The following S1PR3 variants were observed in gnomAD, a reference collection of about 807,000 sequenced individuals.
The protein encoded by S1PR3 is sphingosine-1-phosphate receptor 3, also known as sphingosine 1-phosphate receptor 3.
Under a neutral mutation model 13.3 loss-of-function variants are expected in S1PR3, and 12 were observed. The ratio of observed to expected loss-of-function variants is 0.90; its 90% CI spans 0.58 to 1.46. The LOEUF (loss-of-function observed/expected upper bound fraction) is 1.46, where lower values mean the gene tolerates loss of function less well. Ranked by LOEUF, S1PR3 falls within the 40% of genes most tolerant of loss-of-function variation. S1PR3 has a pLI of 0.00. For synonymous variants in S1PR3, 232 were observed against 214.0 expected (o/e 1.08, Z -0.73); for missense variants, 450 against 501.9 (o/e 0.90, Z 0.99).
intron 1 of S1PR3, chr9:89,000,157 T>G: frequency 6.6e-6 from 1 of 152,154 alleles, no homozygotes; most frequent in Non-Finnish European, 1.5e-5. Flanking sequence ...GTGTTTGAGG[T>G]CTCGTGGGGG....
Position 89,004,145 on chromosome 9 carries a change from TC to T in S1PR3, c.*1811del, listed in dbSNP as rs1825903366. The T allele has an allele frequency of 6.4e-6, 1 of 156,942 alleles. No individual in the cohort carries two copies. The highest frequency in any genetic ancestry group is 2.4e-5 in the African/African-American group (1 of 41,458). 9.7% of individuals were successfully genotyped at this position (156,942 alleles called of 1,614,324 possible). The stretch of plus-strand genomic sequence containing the variant: ...TGGGCGCAGTGGCTCACACCTGTAA[TC>T]CCAGCACTTTGGGAGGCTGAGGCGG... On this transcript the variant is annotated 3_prime_UTR_variant, in exon 2 of 2. Coordinates refer to ENST00000358157, the MANE Select transcript of S1PR3 (RefSeq NM_005226.4).
rs763595966 is a variant in S1PR3 at position 89,001,827 on chromosome 9, G to T, written c.627G>T (p.Val209=). 2 of 1,614,210 alleles carry T rather than the reference G, an allele frequency of 1.2e-6. No homozygotes were observed. Among genetic ancestry groups the T allele is most frequent in the Admixed American group, 1.7e-5 (1 of 60,022 alleles). Residue 209 remains valine (V), a synonymous_variant, in exon 2 of 2, where the codon GTG becomes GTT. Transcript: ENST00000358157. ...FCISIFTAIL[V]TIVILYARIY... ...TCAGCATCTTCACGGCCATCCTGGT[G>T]ACCATCGTGATCCTCTACGCACGCA... is the stretch of plus-strand genomic sequence containing the variant.
rs894338611 is a variant in S1PR3 at position 88,991,577 on chromosome 9, C to A, written c.-266C>A. 1.2e-5 allele frequency: 19 copies of A among 1,544,626 alleles called. No individual in the cohort carries two copies. In the Admixed American group the frequency reaches 3.0e-4, roughly 24 times the overall value. On this transcript the variant is annotated 5_prime_UTR_variant, in exon 1 of 2. Coordinates refer to ENST00000358157, the MANE Select transcript of S1PR3 (RefSeq NM_005226.4). The surrounding 1 kb of genome is among the most constrained non-coding windows in gnomAD (Gnocchi z 4.0). Reference sequence around the variant, plus strand: ...CCAGGCCCGGGAACGACGTCGCGAGCGCTGAGACTGCCGGGCCTCCCAGCC... The same window carrying A: ...CCAGGCCCGGGAACGACGTCGCGAGAGCTGAGACTGCCGGGCCTCCCAGCC...
rs1017613951 is a variant in S1PR3 at position 89,003,631 on chromosome 9, A to G, written c.*1294A>G. ...AGGATTGTACGTATTATACAAATAG[A>G]TGGAAAGAAAAGTGAACACGTTTGT... is the stretch of plus-strand genomic sequence containing the variant. On this transcript the variant is annotated 3_prime_UTR_variant, in exon 2 of 2. Transcript: ENST00000358157. The G allele has an allele frequency of 4.2e-5, 7 of 167,078 alleles. No individual in the cohort carries two copies. The highest frequency in any genetic ancestry group is 1.7e-4 in the African/African-American group (7 of 41,470). The allele number at this position is 167,078 out of a possible 1,614,324, so 10.3% of individuals were successfully genotyped here.
At chr9:88,992,379 C>T in intron 1 of S1PR3, 1 of 214,780 alleles carries the variant, frequency 4.7e-6, no homozygotes, top group South Asian at 7.4e-5. Flanking sequence ...AAGAGAGGAA[C>T]TTCTTGTTGG....
Position 89,004,796 on chromosome 9 carries a change from C to G in S1PR3, c.*2459C>G, listed in dbSNP as rs1180214496. On this transcript the variant is annotated 3_prime_UTR_variant, in exon 2 of 2. Transcript: ENST00000358157. ...TGCAAAAAATAATCACCTTTGATACCAATGTGCACCAATATGCCTAACTAG... is the reference window on the plus strand; with the variant it reads ...TGCAAAAAATAATCACCTTTGATACGAATGTGCACCAATATGCCTAACTAG... 1.2e-5 allele frequency: 2 copies of G among 167,014 alleles called. No individual in the cohort carries two copies. Among genetic ancestry groups the G allele is most frequent in the Non-Finnish European group, 2.9e-5 (2 of 68,106 alleles). The allele number at this position is 167,014 out of a possible 1,614,324, so 10.3% of individuals were successfully genotyped here. A position where few individuals can be genotyped will look rare whatever the true frequency, so the allele number is the denominator to read the frequency against.
At position 89,003,188 on chromosome 9, in the gene S1PR3, G is replaced by A. The variant is rs1314735836; in HGVS notation, c.*851G>A. On this transcript the variant is annotated 3_prime_UTR_variant, in exon 2 of 2. Transcript: ENST00000358157. ...AGCCTATGAAGGAGAAGCAGAAGCA[G>A]ACGGCTGGCCTGGCTCACCTTCCCA... The A allele has an allele frequency of 6.0e-6, 1 of 167,152 alleles. No homozygotes were observed. The highest frequency in any genetic ancestry group is 1.5e-5 in the Non-Finnish European group (1 of 68,142). 10.4% of individuals were successfully genotyped at this position (167,152 alleles called of 1,614,324 possible). A position where few individuals can be genotyped will look rare whatever the true frequency, so the allele number is the denominator to read the frequency against.
rs1241053415 is a variant in S1PR3 at position 89,004,436 on chromosome 9, A to G, written c.*2099A>G. The stretch of plus-strand genomic sequence containing the variant: ...TAATAATAAATAAAACAACAACAAA[A>G]TGCATCAGAGAGCCAAAACATTCAG... On this transcript the variant is annotated 3_prime_UTR_variant, in exon 2 of 2. Coordinates refer to ENST00000358157, the MANE Select transcript of S1PR3 (RefSeq NM_005226.4). 6.0e-6 allele frequency: 1 copy of G among 166,564 alleles called. No individual in the cohort carries two copies. Among genetic ancestry groups the G allele is most frequent in the African/African-American group, 2.4e-5 (1 of 41,426 alleles). 10.3% of individuals were successfully genotyped at this position (166,564 alleles called of 1,614,324 possible).
At position 88,991,636 on chromosome 9, in the gene S1PR3, G is replaced by C. The variant is rs777941434; in HGVS notation, c.-207G>C. On this transcript the variant is annotated 5_prime_UTR_variant, in exon 1 of 2. Coordinates refer to ENST00000358157, the MANE Select transcript of S1PR3 (RefSeq NM_005226.4). This position sits in a 1 kb window ranked among gnomAD's most constrained non-coding sequence, Gnocchi z 4.0. ...ATTCGAGCGCAGGACCGGGCGCCCC[G>C]GCACCGCCGCGCGCCACCCGCTAGG... 1.3e-6 allele frequency: 2 copies of C among 1,527,192 alleles called. No individual in the cohort carries two copies. The highest frequency in any genetic ancestry group is 2.1e-5 in the Admixed American group (1 of 47,868). The allele number at this position is 1,527,192 out of a possible 1,614,324, so 94.6% of individuals were successfully genotyped here.
At chr9:89,000,309 A>T (rs1355530898) in intron 1 of S1PR3, 1 of 152,168 alleles carries the variant, frequency 6.6e-6, no homozygotes, top group Non-Finnish European at 1.5e-5. Context: ...TTCAAGCCAG[A>T]CTCAGTCAGT....
In S1PR3 at chr9:88,991,893, C is replaced by T. The variant is rs776723314; in HGVS notation, c.-148+198C>T. The T allele has an allele frequency of 8.0e-5, 129 of 1,614,176 alleles. 2 individuals carry two copies. In the South Asian group the frequency reaches 8.3e-4, roughly 10 times the overall value. On this transcript the variant is annotated intron_variant, in intron 1 of 1. Coordinates refer to ENST00000358157, the MANE Select transcript of S1PR3 (RefSeq NM_005226.4). The surrounding 1 kb of genome is among the most constrained non-coding windows in gnomAD (Gnocchi z 4.0). Reference sequence around the variant, plus strand: ...GGGAGGAGGCCTTTTCCACCGCACCCGGAGCGTTTACAACGGGCTGGAGCT... The same window carrying T: ...GGGAGGAGGCCTTTTCCACCGCACCTGGAGCGTTTACAACGGGCTGGAGCT...
chr9:88,991,392 C>A, upstream of S1PR3: 1 of 510,972 alleles, frequency 2.0e-6, no homozygotes, highest in Non-Finnish European at 2.8e-6. The surrounding 1 kb of genome is among the most constrained non-coding windows in gnomAD (Gnocchi z 4.0). Context: ...GAGTCGGGGG[C>A]GGCGAGGGGA....
At chr9:88,997,555 C>G (rs973931097) in intron 1 of S1PR3, 1 of 152,164 alleles carries the variant, frequency 6.6e-6, no homozygotes. Flanking sequence ...TGAATCATAA[C>G]GACATGCCAG....
upstream of S1PR3, chr9:88,991,232 T>A (rs751441912): frequency 6.4e-7 from 1 of 1,562,492 alleles, no homozygotes; most frequent in Non-Finnish European, 8.7e-7. The surrounding 1 kb of genome is among the most constrained non-coding windows in gnomAD (Gnocchi z 4.0). Context: ...AGCCGGACCC[T>A]AGGGGATTGG....
At chr9:89,000,693 A>G (rs2118601782) in intron 1 of S1PR3, 2 of 157,718 alleles carry the variant, frequency 1.3e-5, no homozygotes, top group African/African-American at 4.8e-5. Flanking sequence ...CTTTTCCCTG[A>G]GTAACTGGGA....
At chr9:88,991,250 G>A (rs1232816551), upstream of S1PR3, 2 of 1,551,692 alleles carry the variant, frequency 1.3e-6, no homozygotes, top group South Asian at 1.2e-5. The surrounding 1 kb of genome is among the most constrained non-coding windows in gnomAD (Gnocchi z 4.0). Context: ...TGGTAGGGTC[G>A]GGGAGAAGGG....
Position 89,001,540 on chromosome 9 carries a change from A to C in S1PR3, c.340A>C (p.Arg114=), listed in dbSNP as rs774529851. Reference sequence around the variant, plus strand: ...CCTGTCTCCCACGGTCTGGTTCCTCAGGGAGGGCAGTATGTTCGTGGCCCT... The same window carrying C: ...CCTGTCTCCCACGGTCTGGTTCCTCCGGGAGGGCAGTATGTTCGTGGCCCT... The part of the protein sequence containing the change: ...FSLSPTVWFL[R]EGSMFVALGA... The change falls in exon 2 of 2, where the codon AGG becomes CGG. Residue 114 remains arginine (R), a synonymous_variant. Transcript: ENST00000358157. 6.2e-7 allele frequency: 1 copy of C among 1,614,190 alleles called. No homozygotes were observed. Among genetic ancestry groups the C allele is most frequent in the South Asian group, 1.1e-5 (1 of 91,078 alleles).
intron 1 of S1PR3, chr9:88,992,736 C>G (rs1177119519): frequency 6.6e-6 from 1 of 152,270 alleles, no homozygotes; most frequent in Admixed American, 6.6e-5. Context: ...CTGGCCATGC[C>G]CAGGGCTGGT....
chr9:88,991,191 A>G (rs762573987), upstream of S1PR3: 99 of 1,595,362 alleles, frequency 6.2e-5, no homozygotes, highest in Admixed American at 3.4e-5. The surrounding 1 kb of genome is among the most constrained non-coding windows in gnomAD (Gnocchi z 4.0). Flanking sequence ...CAAGGTCTGG[A>G]GGCCGGCCTG....
Sources: allele counts gnomAD v4.1 joint callset, GRCh38; gene constraint gnomAD v4.1.1; non-coding constraint Gnocchi (gnomAD v3.1); transcripts MANE v1.5; gene names NCBI Gene and HGNC (gene_info 2026-07-23, HGNC 2026-07-21).